Variants in YIPF7 observed in about 807,000 individuals in gnomAD.
YIPF7 encodes Yip1 domain family member 7, also known as protein YIPF7.
In YIPF7, 35 loss-of-function variants were observed where a neutral mutation model predicts 27.2. The observed-to-expected ratio is 1.29, with a 90% CI of 0.98 to 1.70. The LOEUF (loss-of-function observed/expected upper bound fraction) is 1.70. Among genes scored for constraint, YIPF7 ranks in the 40% most tolerant of loss-of-function variants. The pLI is 0.00. For missense variants in YIPF7, 358 were observed against 303.7 expected (o/e 1.18, Z -1.33); for synonymous variants, 137 against 110.4 (o/e 1.24, Z -1.51).
intron 4 of YIPF7, chr4:44,629,092 T>C: frequency 4.8e-6 from 1 of 208,528 alleles, no homozygotes; most frequent in Admixed American, 5.8e-5. Flanking sequence ...GTAGGCCTTA[T>C]ATCTCCCAAA....
intron 1 of YIPF7, among the ~76,000 whole-genome samples, chr4:44,661,460 C>G (rs545886549): frequency 6.6e-6 from 1 of 152,258 alleles, no homozygotes; most frequent in South Asian, 2.1e-4. Context: ...ATAAGAAACT[C>G]AAATAGGGAG....
chr4:44,661,077 A>T (rs997537925), intron 1 of YIPF7, among the ~76,000 whole-genome samples: 4 of 152,202 alleles, frequency 2.6e-5, no homozygotes, highest in African/African-American at 7.2e-5. Flanking sequence ...GAGGAAATTT[A>T]AAAAGGCCAG....
intron 1 of YIPF7, among the ~76,000 whole-genome samples, chr4:44,651,278 T>C (rs1445502555): frequency 2.6e-5 from 4 of 152,186 alleles, no homozygotes; most frequent in African/African-American, 9.6e-5. Flanking sequence ...GTAATGTGTA[T>C]AAAAGTAGCT....
intron 5 of YIPF7, among the ~76,000 whole-genome samples, chr4:44,623,868 G>T (rs370853165): frequency 6.6e-6 from 1 of 152,156 alleles, no homozygotes; most frequent in Non-Finnish European, 1.5e-5. Context: ...GAGCCCAGCT[G>T]AGAAAGAATA....
At position 44,630,988 on chromosome 4, in the gene YIPF7, G is replaced by A. The variant is rs537159768; in HGVS notation, c.281-1440C>T. Among the ~76,000 whole-genome samples, 3 of 152,248 alleles carry A rather than the reference G, an allele frequency of 2.0e-5. No homozygotes were observed. In the East Asian group the frequency reaches 5.8e-4, roughly 29 times the overall value. ...GAGGTGGAGGCTAGGAAGAATGAAA[G>A]CTAAAATTTACTGAGTGTTTGCTAT... On this transcript the variant is annotated intron_variant, in intron 3 of 5. Coordinates refer to ENST00000415895, the MANE Select transcript of YIPF7 (RefSeq NM_182592.3).
chr4:44,654,529 C>T (rs1026313771), upstream of YIPF7, among the ~76,000 whole-genome samples: 1 of 151,864 alleles, frequency 6.6e-6, no homozygotes, highest in Admixed American at 6.6e-5. Flanking sequence ...CCTATCTATT[C>T]CCATGGCTTT....
intron 2 of YIPF7, among the ~76,000 whole-genome samples, chr4:44,658,982 T>G (rs1229733803): frequency 3.3e-5 from 5 of 152,128 alleles, no homozygotes; most frequent in African/African-American, 9.7e-5. Flanking sequence ...CATATCACTA[T>G]TATTTATATT....
intron 3 of YIPF7, among the ~76,000 whole-genome samples, chr4:44,632,617 T>C (rs1474312630): frequency 6.6e-6 from 1 of 152,238 alleles, no homozygotes; most frequent in African/African-American, 2.4e-5. Context: ...TTTTTGTGCA[T>C]AGTATTATAG....
intron 4 of YIPF7, 22 bp downstream of exon 4, chr4:44,629,381 G>A: frequency 6.4e-7 from 1 of 1,567,564 alleles, no homozygotes; most frequent in Non-Finnish European, 8.6e-7. Context: ...ATTAAAATCT[G>A]GTGCTTCCTG....
chr4:44,649,573 C>A (rs1342119753), intron 2 of YIPF7, among the ~76,000 whole-genome samples: 3 of 151,736 alleles, frequency 2.0e-5, no homozygotes, highest in African/African-American at 7.3e-5. Flanking sequence ...GAGCTCCAGG[C>A]CAGTCTGGGC....
chr4:44,648,638 T>A (rs1228187872), intron 2 of YIPF7, among the ~76,000 whole-genome samples: 1 of 152,188 alleles, frequency 6.6e-6, no homozygotes, highest in Non-Finnish European at 1.5e-5. Flanking sequence ...TACAGTATAC[T>A]TCAGTGACTT....
At chr4:44,639,953 T>C (rs1713270990) in intron 2 of YIPF7, among the ~76,000 whole-genome samples, 1 of 152,352 alleles carries the variant, frequency 6.6e-6, no homozygotes, top group South Asian at 2.1e-4. Context: ...GATAATCATA[T>C]GTTTTTTGTC....
At chr4:44,646,566 T>C (rs1164455465) in intron 2 of YIPF7, among the ~76,000 whole-genome samples, 1 of 152,214 alleles carries the variant, frequency 6.6e-6, no homozygotes, top group Admixed American at 6.5e-5. Flanking sequence ...TGGAAAAATA[T>C]AGCCTCAGTG....
At position 44,636,104 on chromosome 4, in the gene YIPF7, A is replaced by T; in HGVS notation, c.117-19T>A. ...TTGTTGTCTAGAAAAAGAAAAATAC[A>T]AACATTTACATGTCTAAGAAAAAGG... is the stretch of plus-strand genomic sequence containing the variant. On this transcript the variant is annotated intron_variant, in intron 2 of 5. Transcript: ENST00000415895. 6.3e-7 allele frequency: 1 copy of T among 1,590,642 alleles called. No individual in the cohort carries two copies.
intron 2 of YIPF7, 67 bp from the exon 3 acceptor site, chr4:44,636,152 T>A (rs1713113300): frequency 6.9e-7 from 1 of 1,441,412 alleles, no homozygotes; most frequent in Non-Finnish European, 9.3e-7. Context: ...GGAGGAAAAT[T>A]ACAATTTTAC....
At chr4:44,632,916 C>T (rs1397446781) in intron 3 of YIPF7, among the ~76,000 whole-genome samples, 1 of 152,154 alleles carries the variant, frequency 6.6e-6, no homozygotes, top group Non-Finnish European at 1.5e-5. Context: ...CCCATATCTA[C>T]CTGCCCATGG....
intron 3 of YIPF7, 42 bp from the exon 4 acceptor site, chr4:44,629,590 A>G: frequency 7.2e-7 from 1 of 1,396,110 alleles, no homozygotes; most frequent in East Asian, 2.5e-5. Context: ...TAACATAAAT[A>G]TAGAAAAATA....
chr4:44,659,227 AT>A (rs1381141703), intron 2 of YIPF7, among the ~76,000 whole-genome samples: 5 of 151,426 alleles, frequency 3.3e-5, no homozygotes, highest in Non-Finnish European at 7.4e-5. Context: ...AATAAATTAT[AT>A]TTTTTAACTT....
rs547520818 is a variant in YIPF7 at position 44,625,877 on chromosome 4, T to C, written c.427-1095A>G. Among the ~76,000 whole-genome samples the C allele has an allele frequency of 2.0e-5, 3 of 152,320 alleles. No individual in the cohort carries two copies. The East Asian group carries it at 5.8e-4, about 29-fold the overall frequency. ...TTTACATTATGCTGATCATAACTTC[T>C]AGATAAAAGTTGAATAGGCTGTCTC... On this transcript the variant is annotated intron_variant, in intron 4 of 5. Coordinates refer to ENST00000415895, the MANE Select transcript of YIPF7 (RefSeq NM_182592.3).
Sources: gnomAD v4.1 joint callset for allele counts (sites outside exome capture counted in the v4.1 genomes callset) on GRCh38, gnomAD v4.1.1 for gene constraint, MANE v1.5 for transcripts, NCBI Gene and HGNC (gene_info 2026-07-23, HGNC 2026-07-21) for gene names.